The following UBA2 variants were observed in gnomAD, a reference collection of about 807,000 sequenced individuals.
UBA2 encodes the protein SUMO-activating enzyme subunit 2.
In UBA2, 11 loss-of-function variants were observed where a neutral mutation model predicts 77.2. That is an observed-to-expected ratio of 0.14 (90% CI 0.09 to 0.24). The LOEUF is 0.24. UBA2 is among the 10% of genes least tolerant of loss of function. UBA2 has a pLI of 1.00. For missense variants in UBA2, 487 were observed against 781.7 expected (o/e 0.62, Z 4.50); for synonymous variants, 278 against 276.7 (o/e 1.00, Z -0.05).
At chr19:34,439,609 C>A (rs943188863) in intron 6 of UBA2, among the ~76,000 whole-genome samples, 4 of 152,058 alleles carry the variant, frequency 2.6e-5, no homozygotes, top group African/African-American at 9.7e-5. Context: ...ATGGGAGGAT[C>A]CCTTGAGCCC....
intron 10 of UBA2, 145 bp downstream of exon 10, chr19:34,452,292 T>G: frequency 1.4e-6 from 1 of 711,416 alleles, no homozygotes; most frequent in Non-Finnish European, 2.2e-6. Context: ...TCAGCTCTAA[T>G]TGCTGTATGG....
chr19:34,454,151 A>G, intron 10 of UBA2, 109 bp from the exon 11 acceptor site: 4 of 983,888 alleles, frequency 4.1e-6, no homozygotes, highest in Non-Finnish European at 6.1e-6. Context: ...CTCTTGTTCT[A>G]GTCGAAAGTC....
At chr19:34,454,893 GT>G (rs1282796509) in intron 12 of UBA2, among the ~76,000 whole-genome samples, 1 of 152,074 alleles carries the variant, frequency 6.6e-6, no homozygotes, top group Non-Finnish European at 1.5e-5. Context: ...TCATTTTATA[GT>G]CCCCTGTTCA....
intron 14 of UBA2, among the ~76,000 whole-genome samples, chr19:34,462,818 T>G (rs930051298): frequency 6.6e-6 from 1 of 152,016 alleles, no homozygotes; most frequent in South Asian, 2.1e-4. Context: ...ATACAAAAAT[T>G]AGGCCGGGCG....
chr19:34,437,549 G>T (rs756660822), intron 5 of UBA2, among the ~76,000 whole-genome samples: 2 of 152,018 alleles, frequency 1.3e-5, no homozygotes, highest in Admixed American at 6.5e-5. Flanking sequence ...GGCAGAGGTT[G>T]TGGTGAGCCT....
chr19:34,452,467 T>C (rs534559653), intron 10 of UBA2, among the ~76,000 whole-genome samples: 1 of 152,324 alleles, frequency 6.6e-6, no homozygotes, highest in East Asian at 1.9e-4. Context: ...AGTCATAAAA[T>C]CATTTGGAGA....
intron 2 of UBA2, 133 bp from the exon 3 acceptor site, chr19:34,431,728 C>G (rs2075258185): frequency 1.4e-6 from 1 of 720,592 alleles, no homozygotes; most frequent in Non-Finnish European, 2.4e-6. Context: ...AATTTTCTCA[C>G]ATTTTTGGAC....
chr19:34,440,850 C>T (rs772078393), intron 6 of UBA2, among the ~76,000 whole-genome samples: 6 of 147,192 alleles, frequency 4.1e-5, no homozygotes, highest in South Asian at 2.1e-4. Context: ...TGCTTGAACC[C>T]GGGAGGTGGA....
At chr19:34,440,684 T>C (rs1476914203) in intron 6 of UBA2, among the ~76,000 whole-genome samples, 1 of 152,190 alleles carries the variant, frequency 6.6e-6, no homozygotes, top group African/African-American at 2.4e-5. Flanking sequence ...ATCTCAGCAC[T>C]TGGAAGCTGA....
chr19:34,461,523 T>G (rs1390625455), intron 14 of UBA2, among the ~76,000 whole-genome samples: 1 of 152,224 alleles, frequency 6.6e-6, no homozygotes, highest in Non-Finnish European at 1.5e-5. Context: ...AATGTTTGTT[T>G]GTGATTATAT....
Position 34,451,646 on chromosome 19 carries a change from C to T in UBA2, c.872-335C>T, listed in dbSNP as rs555509401. 1.0e-4 allele frequency among the ~76,000 whole-genome samples: 14 copies of T among 139,554 alleles called. No homozygotes were observed. In the East Asian group the frequency reaches 2.3e-3, roughly 23 times the overall value. 91.6% of individuals were successfully genotyped at this position (139,554 alleles called of 152,430 possible). A position where few individuals can be genotyped will look rare whatever the true frequency, so the allele number is the denominator to read the frequency against. ...CACTGCAAGCTCCGCCTCCCGGGTT[C>T]GCGCCATTCTCCTGCCTCAGCCTCC... is the stretch of plus-strand genomic sequence containing the variant. On this transcript the variant is annotated intron_variant, in intron 9 of 16. Coordinates refer to ENST00000246548, the MANE Select transcript of UBA2 (RefSeq NM_005499.3).
rs372786949 is a variant in UBA2, at chr19:34,454,427, T to C, written c.1133-17T>C. On this transcript the variant is annotated splice_polypyrimidine_tract_variant and intron_variant, in intron 11 of 16. Coordinates refer to ENST00000246548, the MANE Select transcript of UBA2 (RefSeq NM_005499.3). ...TTTAAACAGTGAAACATACTCATCC[T>C]TTTTTTTTTTTCCCAGCAATGGCAG... 6.9e-6 allele frequency: 3 copies of C among 436,838 alleles called. No individual in the cohort carries two copies. Among genetic ancestry groups the C allele is most frequent in the Non-Finnish European group, 6.7e-6 (2 of 298,788 alleles). The allele number at this position is 436,838 out of a possible 1,614,324, so 27.1% of individuals were successfully genotyped here.
At position 34,469,048 on chromosome 19, in the gene UBA2, C is replaced by G. The variant is rs376182291; in HGVS notation, c.1750C>G (p.Gln584Glu). Residue 584 changes from glutamine (Q) to glutamate (E), a missense_variant, in exon 17 of 17, where the codon CAA (glutamine) becomes GAA (glutamate). This residue lies in a region of UBA2 where 40 missense variants were observed against 36.6 expected (regional missense o/e 1.09). Coordinates refer to ENST00000246548, the MANE Select transcript of UBA2 (RefSeq NM_005499.3). ...AQPSTSTAQEQDDVLIVDSDE... is the reference protein window; with the variant it reads ...AQPSTSTAQEEDDVLIVDSDE... ...CTTTTTTCTGAAATAAGCTCAAGAG[C>G]AAGATGACGTTCTCATAGTTGATTC... The G allele has an allele frequency of 6.2e-6, 10 of 1,603,672 alleles. No individual in the cohort carries two copies. The highest frequency in any genetic ancestry group is 1.1e-5 in the South Asian group (1 of 89,058).
At chr19:34,430,936 C>T (rs1047045568) in intron 2 of UBA2, among the ~76,000 whole-genome samples, 1 of 152,142 alleles carries the variant, frequency 6.6e-6, no homozygotes, top group African/African-American at 2.4e-5. Flanking sequence ...TGTTCCTACA[C>T]CCCCTAGAGG....
At position 34,471,168 on chromosome 19, in the gene UBA2, T is replaced by G. The variant is rs947938284; in HGVS notation, c.*1947T>G. On this transcript the variant is annotated 3_prime_UTR_variant, in exon 17 of 17. Coordinates refer to ENST00000246548, the MANE Select transcript of UBA2 (RefSeq NM_005499.3). ...CAGAGAACAGAAAGCCATTAAGCTGTTTCCCCTATTGTATTCATGTGCCCT... is the reference window on the plus strand; with the variant it reads ...CAGAGAACAGAAAGCCATTAAGCTGGTTCCCCTATTGTATTCATGTGCCCT... The G allele has an allele frequency of 6.6e-6, 1 of 152,212 alleles. No individual in the cohort carries two copies. Among genetic ancestry groups the G allele is most frequent in the Non-Finnish European group, 1.5e-5 (1 of 68,040 alleles). 9.4% of individuals were successfully genotyped at this position (152,212 alleles called of 1,614,324 possible).
At chr19:34,432,007 CT>C (rs1568366601) in intron 3 of UBA2, 76 bp downstream of exon 3, 1 of 1,120,254 alleles carries the variant, frequency 8.9e-7, no homozygotes, top group Non-Finnish European at 1.3e-6. Context: ...AGTCATTCAG[CT>C]TTTTTAAAAA....
At chr19:34,433,311 A>G (rs1172194318) in intron 3 of UBA2, 37 bp from the exon 4 acceptor site, 11 of 1,442,804 alleles carry the variant, frequency 7.6e-6, no homozygotes, top group African/African-American at 5.6e-5. Flanking sequence ...GTGGAAGGCT[A>G]GTTATTTTGG....
intron 15 of UBA2, among the ~76,000 whole-genome samples, chr19:34,465,231 C>T (rs764027474): frequency 6.6e-5 from 10 of 152,148 alleles, no homozygotes; most frequent in Non-Finnish European, 1.3e-4. Context: ...GTGGTGCTGC[C>T]ACCTGCGTCC....
chr19:34,437,462 T>C (rs2075321701), intron 5 of UBA2, among the ~76,000 whole-genome samples: 1 of 151,144 alleles, frequency 6.6e-6, no homozygotes, highest in South Asian at 2.1e-4. Context: ...ATACAAAATT[T>C]AGCTGGGTGT....
Sources: gnomAD v4.1 joint callset for allele counts (sites outside exome capture counted in the v4.1 genomes callset) on GRCh38, gnomAD v4.1.1 for gene constraint, gnomAD v4.1.1 regional missense constraint, MANE v1.5 for transcripts, NCBI Gene and HGNC (gene_info 2026-07-23, HGNC 2026-07-21) for gene names.